The following KANK1 variants were observed in gnomAD, a reference collection of about 807,000 sequenced individuals.
The protein encoded by KANK1 is KN motif and ankyrin repeat domains 1, also known as KN motif and ankyrin repeat domain-containing protein 1.
A neutral mutation model predicts 106.2 loss-of-function variants in KANK1; 109 were observed. The ratio of observed to expected loss-of-function variants is 1.03; its 90% CI spans 0.88 to 1.20. The LOEUF (loss-of-function observed/expected upper bound fraction) is 1.20, where lower values mean the gene tolerates loss of function less well. Ranked by LOEUF, KANK1 falls within the 50% of genes most tolerant of loss-of-function variation. The pLI is 0.00. For missense variants in KANK1, 2,399 were observed against 1,710.7 expected, an observed-to-expected ratio of 1.40 and a Z score of -7.10; for synonymous variants, 873 against 652.2, an observed-to-expected ratio of 1.34 and a Z score of -5.16.
At chr9:737,716 C>T (rs984883430) in intron 7 of KANK1, among the ~76,000 whole-genome samples, 15 of 152,286 alleles carry the variant, frequency 9.8e-5, no homozygotes, top group African/African-American at 3.4e-4. Context: ...TATACACGTA[C>T]GGTCTCCCAA....
chr9:500,285 G>C (rs1243344662), upstream of KANK1, among the ~76,000 whole-genome samples: 1 of 152,124 alleles, frequency 6.6e-6, no homozygotes, highest in East Asian at 1.9e-4. Flanking sequence ...TAATAAACAA[G>C]TGACATGTCA....
chr9:735,480 CAT>C (rs1207913124), intron 7 of KANK1, among the ~76,000 whole-genome samples: 1 of 152,172 alleles, frequency 6.6e-6, no homozygotes, highest in Non-Finnish European at 1.5e-5. Context: ...GACATATTCT[CAT>C]GTGTCGAAGT....
upstream of KANK1, among the ~76,000 whole-genome samples, chr9:504,180 G>C (rs892608089): frequency 1.8e-4 from 27 of 152,258 alleles, no homozygotes; most frequent in African/African-American, 6.5e-4. Context: ...CAGAACCCCC[G>C]CCCCAGCCGG....
intron 1 of KANK1, among the ~76,000 whole-genome samples, chr9:524,173 C>T (rs2059676463): frequency 6.6e-6 from 1 of 151,786 alleles, no homozygotes; most frequent in Non-Finnish European, 1.5e-5. Context: ...TACCAGGATG[C>T]CAGGAACTAA....
intron 2 of KANK1, chr9:706,897 G>A (rs1408829817): frequency 1.0e-6 from 1 of 985,374 alleles, no homozygotes. Context: ...AGGAAAAACA[G>A]AGCCTCTCTG....
At chr9:734,220 C>G (rs72693458) in intron 6 of KANK1, 11,301 of 150,460 alleles carry the variant, frequency 0.075, 621 homozygotes, top group African/African-American at 0.15. Context: ...CCCTCCCAAA[C>G]AAGGCCTCAA....
intron 1 of KANK1, among the ~76,000 whole-genome samples, chr9:505,985 A>G (rs899381228): frequency 6.6e-6 from 1 of 152,172 alleles, no homozygotes; most frequent in Non-Finnish European, 1.5e-5. Context: ...TTTCTCTACT[A>G]AAATGTTGAG....
At chr9:723,637 T>C (rs1458041323) in intron 3 of KANK1, among the ~76,000 whole-genome samples, 2 of 151,576 alleles carry the variant, frequency 1.3e-5, no homozygotes, top group African/African-American at 4.8e-5. Context: ...TAATTCATTC[T>C]GTGCATTTTA....
intron 3 of KANK1, among the ~76,000 whole-genome samples, chr9:494,488 A>G (rs2058428789): frequency 6.6e-6 from 1 of 152,166 alleles, no homozygotes; most frequent in Non-Finnish European, 1.5e-5. Context: ...GGTCTGTGTG[A>G]TGATAGAATA....
intron 1 of KANK1, among the ~76,000 whole-genome samples, chr9:641,086 T>G (rs553992957): frequency 6.6e-6 from 1 of 152,152 alleles, no homozygotes; most frequent in African/African-American, 2.4e-5. Context: ...CCAAGAGCCA[T>G]GTTGATAGCC....
chr9:531,121 A>G (rs565180962), intron 1 of KANK1, among the ~76,000 whole-genome samples: 1 of 152,212 alleles, frequency 6.6e-6, no homozygotes, highest in African/African-American at 2.4e-5. Context: ...ATGAGGGGGA[A>G]ACAGATGCTA....
At chr9:512,525 C>G (rs10974927) in intron 1 of KANK1, among the ~76,000 whole-genome samples, 14,077 of 152,114 alleles carry the variant, frequency 0.093, 778 homozygotes, top group African/African-American at 0.15. Flanking sequence ...TGAATCTCAT[C>G]CAAAAACATC....
intron 1 of KANK1, among the ~76,000 whole-genome samples, chr9:567,762 A>G (rs117917704): frequency 0.034 from 5,211 of 152,300 alleles, 130 homozygotes; most frequent in Non-Finnish European, 0.051. Flanking sequence ...GTGTTGGCCC[A>G]TTTTAAAATT....
intron 1 of KANK1, among the ~76,000 whole-genome samples, chr9:510,353 T>C (rs1003022956): frequency 7.2e-5 from 11 of 152,168 alleles, no homozygotes; most frequent in Non-Finnish European, 2.9e-5. Context: ...ATTAAGTAGT[T>C]GATTGTCCAG....
chr9:735,352 C>G (rs1833494515), intron 7 of KANK1, among the ~76,000 whole-genome samples: 1 of 152,164 alleles, frequency 6.6e-6, no homozygotes, highest in African/African-American at 2.4e-5. Flanking sequence ...ATCTCGCAGT[C>G]TAAGAAATTC....
chr9:688,043 G>T (rs540586535), intron 2 of KANK1, among the ~76,000 whole-genome samples: 2 of 152,276 alleles, frequency 1.3e-5, no homozygotes, highest in East Asian at 3.9e-4. Context: ...TCAAAAATCA[G>T]GCCCAGCACC....
At chr9:689,630 AT>A (rs1351352657) in intron 2 of KANK1, among the ~76,000 whole-genome samples, 1 of 152,094 alleles carries the variant, frequency 6.6e-6, no homozygotes, top group East Asian at 1.9e-4. Context: ...TATGAAAGAG[AT>A]GGGTGGAGAA....
chr9:617,178 A>G (rs1208113517), intron 1 of KANK1, among the ~76,000 whole-genome samples: 1 of 152,106 alleles, frequency 6.6e-6, no homozygotes, highest in Non-Finnish European at 1.5e-5. Flanking sequence ...TTTATGGTAT[A>G]TTTGAACTGT....
intron 1 of KANK1, among the ~76,000 whole-genome samples, chr9:664,804 G>C (rs1467886754): frequency 2.0e-5 from 3 of 152,100 alleles, no homozygotes; most frequent in Non-Finnish European, 4.4e-5. Context: ...AATGTGTGAG[G>C]ATTTTTCTTT....
Sources: gnomAD v4.1 joint callset for allele counts (sites outside exome capture counted in the v4.1 genomes callset) on GRCh38, gnomAD v4.1.1 for gene constraint, MANE v1.5 for transcripts, NCBI Gene and HGNC (gene_info 2026-07-23, HGNC 2026-07-21) for gene names.